KCND3: variants seen among roughly 807,000 people sequenced by gnomAD.
KCND3 encodes A-type voltage-gated potassium channel KCND3.
Under a neutral mutation model 51.1 loss-of-function variants are expected in KCND3, and 9 were observed. The observed-to-expected ratio is 0.18, with a 90% CI of 0.11 to 0.31. The LOEUF (loss-of-function observed/expected upper bound fraction) is 0.31, where lower values mean the gene tolerates loss of function less well. KCND3 is among the 10% of genes least tolerant of loss of function. KCND3 has a pLI of 1.00. For synonymous variants in KCND3, 349 were observed against 368.0 expected, an observed-to-expected ratio of 0.95 and a Z score of 0.59; for missense variants, 526 against 903.8, an observed-to-expected ratio of 0.58 and a Z score of 5.36.
At chr1:111,944,524 C>A (rs2101893286) in intron 2 of KCND3, among the ~76,000 whole-genome samples, 1 of 152,330 alleles carries the variant, frequency 6.6e-6, no homozygotes, top group Non-Finnish European at 1.5e-5. Context: ...GCCCGGCCAG[C>A]CATGCCCTGG....
chr1:111,925,503 G>A (rs1363400448), intron 2 of KCND3, among the ~76,000 whole-genome samples: 1 of 152,176 alleles, frequency 6.6e-6, no homozygotes, highest in Non-Finnish European at 1.5e-5. Flanking sequence ...GGTTAACAGA[G>A]CAGGTTCTGG....
chr1:111,831,042 G>A (rs1165415958), intron 2 of KCND3, among the ~76,000 whole-genome samples: 2 of 152,192 alleles, frequency 1.3e-5, no homozygotes, highest in African/African-American at 2.4e-5. Context: ...GAGAAGTTAG[G>A]GTGGATGCCT....
chr1:111,967,373 T>C (rs1284587698), intron 2 of KCND3, among the ~76,000 whole-genome samples: 1 of 152,022 alleles, frequency 6.6e-6, no homozygotes, highest in Non-Finnish European at 1.5e-5. Flanking sequence ...AGGGTTAATG[T>C]CTTATGCTTT....
chr1:111,790,277 C>T (rs1275242803), intron 2 of KCND3, among the ~76,000 whole-genome samples: 3 of 152,126 alleles, frequency 2.0e-5, no homozygotes, highest in Admixed American at 1.3e-4. Context: ...TTTTATATCC[C>T]CAGGGTTGTT....
chr1:111,988,056 A>G (rs1675387142), intron 1 of KCND3, among the ~76,000 whole-genome samples: 1 of 152,218 alleles, frequency 6.6e-6, no homozygotes, highest in Non-Finnish European at 1.5e-5. Context: ...AGCTGAGTAC[A>G]GGCATAAGGC....
chr1:111,780,943 C>T lies in KCND3; in HGVS notation c.1270-152G>A, dbSNP rs565362999. On this transcript the variant is annotated intron_variant, in intron 3 of 7. Transcript: ENST00000302127. This position sits in a 1 kb window ranked among gnomAD's most constrained non-coding sequence, Gnocchi z 4.2. Reference sequence around the variant, plus strand: ...AACCTCATGCATCTCCAGTTGTGTACCCACTTTGTATAGCTTGGTTGGGTC... The same window carrying T: ...AACCTCATGCATCTCCAGTTGTGTATCCACTTTGTATAGCTTGGTTGGGTC... 6.9e-6 allele frequency: 5 copies of T among 719,742 alleles called. No homozygotes were observed. In the Admixed American group the frequency reaches 1.0e-4, roughly 14 times the overall value. The allele number at this position is 719,742 out of a possible 1,614,324, so 44.6% of individuals were successfully genotyped here. A position where few individuals can be genotyped will look rare whatever the true frequency, so the allele number is the denominator to read the frequency against.
intron 2 of KCND3, among the ~76,000 whole-genome samples, chr1:111,826,185 G>T (rs1393486154): frequency 6.6e-6 from 1 of 152,040 alleles, no homozygotes; most frequent in Non-Finnish European, 1.5e-5. Flanking sequence ...TTACTGATTT[G>T]CACGAGCTCT....
intron 1 of KCND3, among the ~76,000 whole-genome samples, chr1:111,984,020 T>C (rs1675122972): frequency 6.6e-6 from 1 of 152,098 alleles, no homozygotes; most frequent in African/African-American, 2.4e-5. Flanking sequence ...AAATTGGAAA[T>C]TGTTTGGGGT....
chr1:111,975,966 A>G (rs1228163757), intron 2 of KCND3, among the ~76,000 whole-genome samples: 1 of 152,106 alleles, frequency 6.6e-6, no homozygotes, highest in Admixed American at 6.5e-5. Flanking sequence ...AATAGAAACT[A>G]TCCCTTGCTC....
chr1:111,852,368 A>G (rs1667857385), intron 2 of KCND3, among the ~76,000 whole-genome samples: 4 of 152,212 alleles, frequency 2.6e-5, no homozygotes, highest in Non-Finnish European at 1.5e-5. Context: ...CATGCCTAGC[A>G]GGTGGGGAGT....
intron 2 of KCND3, among the ~76,000 whole-genome samples, chr1:111,926,324 T>C (rs1671694250): frequency 6.6e-6 from 1 of 152,250 alleles, no homozygotes; most frequent in African/African-American, 2.4e-5. Context: ...TGAGCGATTA[T>C]GTACTGGACA....
chr1:111,821,353 C>A (rs546401947), intron 2 of KCND3, among the ~76,000 whole-genome samples: 6 of 152,182 alleles, frequency 3.9e-5, no homozygotes, highest in African/African-American at 1.4e-4. Flanking sequence ...AGCTAGACAG[C>A]GTGGCACCTG....
chr1:111,779,731 A>T lies in KCND3; in HGVS notation c.1461+494T>A, dbSNP rs186441154. On this transcript the variant is annotated intron_variant, in intron 5 of 7. Transcript: ENST00000302127. ...GGGGGTGGGGGGGCGGTACTTCTGAATCCTAGTTGGAGAAATACATGCACT... is the reference window on the plus strand; with the variant it reads ...GGGGGTGGGGGGGCGGTACTTCTGATTCCTAGTTGGAGAAATACATGCACT... Among the ~76,000 whole-genome samples the T allele has an allele frequency of 3.1e-3, 469 of 152,158 alleles. 1 individual carries two copies. Among genetic ancestry groups the T allele is most frequent in the African/African-American group, 9.8e-3 (407 of 41,486 alleles).
chr1:111,919,913 G>C (rs1291599924), intron 2 of KCND3, among the ~76,000 whole-genome samples: 1 of 152,204 alleles, frequency 6.6e-6, no homozygotes, highest in Non-Finnish European at 1.5e-5. Context: ...TGCCCTTGAA[G>C]GGGCCAGCCT....
chr1:111,974,138 G>GT (rs375609149), intron 2 of KCND3, among the ~76,000 whole-genome samples: 1 of 152,164 alleles, frequency 6.6e-6, no homozygotes, highest in African/African-American at 2.4e-5. Context: ...TTGGAGGGAG[G>GT]TAAGAGTGGG....
At chr1:111,855,997 C>T (rs558589779) in intron 2 of KCND3, among the ~76,000 whole-genome samples, 1 of 152,300 alleles carries the variant, frequency 6.6e-6, no homozygotes, top group South Asian at 2.1e-4. Flanking sequence ...AGGGAGTACC[C>T]CAACCTCACC....
At chr1:111,883,263 G>A (rs1173263090) in intron 2 of KCND3, among the ~76,000 whole-genome samples, 1 of 152,228 alleles carries the variant, frequency 6.6e-6, no homozygotes, top group Non-Finnish European at 1.5e-5. Context: ...CCACCTTGTA[G>A]GTTACTTTCT....
intron 2 of KCND3, among the ~76,000 whole-genome samples, chr1:111,956,229 A>T (rs1308372626): frequency 2.0e-5 from 3 of 151,858 alleles, no homozygotes; most frequent in African/African-American, 7.3e-5. Flanking sequence ...AATCCCCCTC[A>T]CTCTCACTTT....
At chr1:111,847,548 G>A (rs957474914) in intron 2 of KCND3, among the ~76,000 whole-genome samples, 1 of 152,160 alleles carries the variant, frequency 6.6e-6, no homozygotes, top group South Asian at 2.1e-4. Flanking sequence ...GAAGCCGTGC[G>A]TGCCCGCGTG....
Sources: allele counts gnomAD v4.1 joint callset (sites outside exome capture counted in the v4.1 genomes callset), GRCh38; gene constraint gnomAD v4.1.1; non-coding constraint Gnocchi (gnomAD v3.1); transcripts MANE v1.5; gene names NCBI Gene and HGNC (gene_info 2026-07-23, HGNC 2026-07-21).